The following SEMA5A variants were observed in gnomAD, a reference collection of about 807,000 sequenced individuals.
SEMA5A encodes the protein semaphorin-5A.
SEMA5A carries 55 observed loss-of-function variants against 135.5 expected under a neutral mutation model. That is an observed-to-expected ratio of 0.41 (90% CI 0.33 to 0.51). The LOEUF (loss-of-function observed/expected upper bound fraction) is 0.51, where lower values mean the gene tolerates loss of function less well. SEMA5A is among the 20% of genes least tolerant of loss of function. SEMA5A has a pLI of 0.37. For synonymous variants in SEMA5A, 580 were observed against 546.5 expected, an observed-to-expected ratio of 1.06 and a Z score of -0.85; for missense variants, 1,290 against 1,419.9, an observed-to-expected ratio of 0.91 and a Z score of 1.47.
chr5:9,334,349 G>A (rs1393019625), intron 4 of SEMA5A, among the ~76,000 whole-genome samples: 1 of 152,142 alleles, frequency 6.6e-6, no homozygotes, highest in Non-Finnish European at 1.5e-5. Flanking sequence ...CTGAGGGCTG[G>A]GTTATTTTTA....
intron 2 of SEMA5A, among the ~76,000 whole-genome samples, chr5:9,407,997 C>A (rs1348001537): frequency 1.6e-5 from 1 of 64,008 alleles, no homozygotes; most frequent in East Asian, 3.7e-4. Context: ...CTACTGCCAT[C>A]ATCACCATCA....
chr5:9,439,535 A>G (rs1006699464), intron 1 of SEMA5A, among the ~76,000 whole-genome samples: 8 of 152,204 alleles, frequency 5.3e-5, no homozygotes, highest in Admixed American at 3.9e-4. Context: ...AAACAGGGCT[A>G]ATAGGTCTCC....
At chr5:9,059,382 T>C (rs1234773259) in intron 18 of SEMA5A, among the ~76,000 whole-genome samples, 5 of 152,134 alleles carry the variant, frequency 3.3e-5, no homozygotes, top group Admixed American at 3.3e-4. Context: ...CTGGCGTAAA[T>C]TATGTAGGTG....
chr5:9,093,629 C>T lies in SEMA5A; in HGVS notation c.2073+14511G>A, dbSNP rs529154753. ...GGCTGAGGCAGGAGAATCGGTTGAG[C>T]TCGTGAGGCGGAGCTTGCAGTGAAC... On this transcript the variant is annotated intron_variant, in intron 16 of 22. Transcript: ENST00000382496. 5.9e-5 allele frequency among the ~76,000 whole-genome samples: 9 copies of T among 152,002 alleles called. No individual in the cohort carries two copies. In the South Asian group the frequency reaches 1.9e-3, roughly 32 times the overall value.
intron 13 of SEMA5A, among the ~76,000 whole-genome samples, chr5:9,132,856 T>C (rs1267955350): frequency 1.3e-5 from 2 of 152,228 alleles, no homozygotes; most frequent in African/African-American, 4.8e-5. Flanking sequence ...TATAAAATAT[T>C]TGGTCTCATT....
At chr5:9,501,927 A>T (rs1735619051) in intron 1 of SEMA5A, among the ~76,000 whole-genome samples, 1 of 152,192 alleles carries the variant, frequency 6.6e-6, no homozygotes, top group African/African-American at 2.4e-5. Context: ...TAGAAAACAT[A>T]ACTTGCTCAG....
chr5:9,441,168 C>T (rs370646361), intron 1 of SEMA5A, among the ~76,000 whole-genome samples: 15 of 152,204 alleles, frequency 9.9e-5, no homozygotes, highest in African/African-American at 3.1e-4. Flanking sequence ...ACCTATTACA[C>T]TCTCAGGAGC....
Position 9,546,065 on chromosome 5 carries a change from T to G in SEMA5A, c.-656A>C, listed in dbSNP as rs1402028703. ...AGAGCAGCCGCCACCGGCGCCGCCT[T>G]CCCGGCAAGTAGATCGGCGCGGGGC... is the stretch of plus-strand genomic sequence containing the variant. On this transcript the variant is annotated 5_prime_UTR_variant, in exon 1 of 23. Coordinates refer to ENST00000382496, the MANE Select transcript of SEMA5A (RefSeq NM_003966.3). The G allele has an allele frequency of 1.3e-5, 2 of 152,042 alleles. No individual in the cohort carries two copies. The highest frequency in any genetic ancestry group is 4.8e-5 in the African/African-American group (2 of 41,360). The allele number at this position is 152,042 out of a possible 1,614,324, so 9.4% of individuals were successfully genotyped here.
intron 10 of SEMA5A, 47 bp from the exon 11 acceptor site, chr5:9,190,518 C>A (rs540276058): frequency 6.3e-7 from 1 of 1,590,464 alleles, no homozygotes; most frequent in East Asian, 2.2e-5. Flanking sequence ...AGCCTGGACA[C>A]CCACAGCTGG....
chr5:9,491,990 A>T (rs1055900144), intron 1 of SEMA5A, among the ~76,000 whole-genome samples: 1 of 152,232 alleles, frequency 6.6e-6, no homozygotes, highest in African/African-American at 2.4e-5. Flanking sequence ...GATTACAGAT[A>T]GAAGACACAC....
chr5:9,537,116 T>C (rs1737810927), intron 1 of SEMA5A, among the ~76,000 whole-genome samples: 1 of 152,326 alleles, frequency 6.6e-6, no homozygotes, highest in East Asian at 1.9e-4. Context: ...GTCTAATACA[T>C]TTTATCCACT....
intron 20 of SEMA5A, among the ~76,000 whole-genome samples, chr5:9,051,057 C>T (rs1012532660): frequency 1.3e-5 from 2 of 152,312 alleles, no homozygotes; most frequent in Non-Finnish European, 2.9e-5. Flanking sequence ...CTTTCCTGTA[C>T]TGATTTTTTG....
chr5:9,343,419 G>A (rs150979351), intron 3 of SEMA5A, among the ~76,000 whole-genome samples: 96 of 152,104 alleles, frequency 6.3e-4, no homozygotes, highest in Non-Finnish European at 1.3e-3. Flanking sequence ...TGAAAGAGCT[G>A]TGTCTTCACC....
At chr5:9,304,275 T>A (rs1751752127) in intron 5 of SEMA5A, among the ~76,000 whole-genome samples, 1 of 152,112 alleles carries the variant, frequency 6.6e-6, no homozygotes. Context: ...AACTTGTGAT[T>A]TGTGTAAAAA....
chr5:9,094,463 A>G (rs190336202), intron 16 of SEMA5A, among the ~76,000 whole-genome samples: 99 of 152,332 alleles, frequency 6.5e-4, no homozygotes, highest in Non-Finnish European at 1.1e-3. Flanking sequence ...TTGCAAGAAG[A>G]TAAGAGAAAT....
At chr5:9,071,672 CAG>C (rs891688389) in intron 16 of SEMA5A, among the ~76,000 whole-genome samples, 15 of 152,032 alleles carry the variant, frequency 9.9e-5, no homozygotes, top group Admixed American at 5.9e-4. Context: ...AGTAGAGAGA[CAG>C]AGACAACCCA....
chr5:9,254,882 G>C (rs987248031), intron 5 of SEMA5A, among the ~76,000 whole-genome samples: 1 of 152,170 alleles, frequency 6.6e-6, no homozygotes, highest in African/African-American at 2.4e-5. Context: ...GCTAGTTTAA[G>C]CCCGTGGTGA....
At chr5:9,303,478 C>G (rs1487615792) in intron 5 of SEMA5A, among the ~76,000 whole-genome samples, 8 of 152,078 alleles carry the variant, frequency 5.3e-5, no homozygotes, top group African/African-American at 1.9e-4. Flanking sequence ...CTCCTAAAAA[C>G]TTCCCAAAAG....
At chr5:9,256,997 T>C (rs1749106616) in intron 5 of SEMA5A, among the ~76,000 whole-genome samples, 1 of 152,242 alleles carries the variant, frequency 6.6e-6, no homozygotes, top group Non-Finnish European at 1.5e-5. Context: ...TTGTGAGATT[T>C]AATGAGATAG....
Sources: gnomAD v4.1 joint callset for allele counts (sites outside exome capture counted in the v4.1 genomes callset) on GRCh38, gnomAD v4.1.1 for gene constraint, MANE v1.5 for transcripts, NCBI Gene and HGNC (gene_info 2026-07-23, HGNC 2026-07-21) for gene names.